Variants in ADGRB3 observed in about 807,000 individuals in gnomAD.
ADGRB3 encodes the protein brain-specific angiogenesis inhibitor 3.
ADGRB3 carries 37 observed loss-of-function variants against 193.4 expected under a neutral mutation model. The ratio of observed to expected loss-of-function variants is 0.19; its 90% CI spans 0.15 to 0.25. The LOEUF is 0.25. Ranked by LOEUF, ADGRB3 falls within the 10% of genes least tolerant of loss-of-function variation. ADGRB3 has a pLI of 1.00. For missense variants in ADGRB3, 1,637 were observed against 1,852.9 expected (o/e 0.88, Z 2.14); for synonymous variants, 690 against 644.2 (o/e 1.07, Z -1.08).
In ADGRB3 at chr6:68,886,959, CTGGG is replaced by C. The variant is rs1444042376; in HGVS notation, c.758-43596_758-43593del. ...CTAGTAACCTTCTGGTTTTGTAAGT[CTGGG>C]TGGTTTGCAATATTTTATATTATAA... On this transcript the variant is annotated intron_variant, in intron 3 of 31. Transcript: ENST00000370598. Among the ~76,000 whole-genome samples, 5 of 151,608 alleles carry C rather than the reference CTGGG, an allele frequency of 3.3e-5. No individual in the cohort carries two copies. The East Asian group carries it at 7.7e-4, about 23-fold the overall frequency.
chr6:69,369,020 G>T (rs977498597), intron 29 of ADGRB3, among the ~76,000 whole-genome samples: 3 of 152,084 alleles, frequency 2.0e-5, no homozygotes, highest in Admixed American at 2.0e-4. Flanking sequence ...TGGAATATAT[G>T]TACAGAGGGA....
chr6:68,641,845 A>G (rs1419564650), intron 3 of ADGRB3, among the ~76,000 whole-genome samples: 1 of 152,114 alleles, frequency 6.6e-6, no homozygotes, highest in African/African-American at 2.4e-5. Flanking sequence ...TCTATCTTCA[A>G]TATTTGATAT....
intron 13 of ADGRB3, among the ~76,000 whole-genome samples, chr6:69,038,809 C>T (rs1352848691): frequency 6.6e-6 from 1 of 152,164 alleles, no homozygotes; most frequent in Non-Finnish European, 1.5e-5. Context: ...TAATTATCAT[C>T]TTCAAAAATA....
Position 68,914,613 on chromosome 6 carries a change from G to T in ADGRB3, c.758-15946G>T, listed in dbSNP as rs560300269. Among the ~76,000 whole-genome samples the T allele has an allele frequency of 3.9e-5, 6 of 152,196 alleles. No individual in the cohort carries two copies. The South Asian group carries it at 8.3e-4, about 21-fold the overall frequency. ...CATGCCAAATTGTAAAGACCATCGAGGCTAGGAAGAAACTGCATGAACTAA... is the reference window on the plus strand; with the variant it reads ...CATGCCAAATTGTAAAGACCATCGATGCTAGGAAGAAACTGCATGAACTAA... On this transcript the variant is annotated intron_variant, in intron 3 of 31. Transcript: ENST00000370598.
intron 3 of ADGRB3, among the ~76,000 whole-genome samples, chr6:68,720,823 G>A (rs1331999335): frequency 2.0e-5 from 3 of 151,702 alleles, no homozygotes; most frequent in African/African-American, 7.3e-5. Flanking sequence ...CAGGGTGGAA[G>A]GAAGTTGTTT....
At chr6:68,975,927 G>C (rs1473150825) in intron 10 of ADGRB3, among the ~76,000 whole-genome samples, 1 of 152,050 alleles carries the variant, frequency 6.6e-6, no homozygotes, top group East Asian at 1.9e-4. Context: ...TGAATATTTT[G>C]AGCATAGTTA....
chr6:69,013,521 T>C (rs1769998099), intron 11 of ADGRB3, among the ~76,000 whole-genome samples: 1 of 152,102 alleles, frequency 6.6e-6, no homozygotes, highest in African/African-American at 2.4e-5. Flanking sequence ...ATATTTGCAA[T>C]TGGTAGTTGT....
intron 17 of ADGRB3, among the ~76,000 whole-genome samples, chr6:69,113,634 A>G (rs1310546386): frequency 2.0e-5 from 3 of 152,194 alleles, no homozygotes; most frequent in African/African-American, 7.2e-5. Context: ...AAGTTCAGAA[A>G]TTTATATCAT....
At chr6:69,249,613 A>C (rs1194063101) in intron 20 of ADGRB3, among the ~76,000 whole-genome samples, 1 of 152,158 alleles carries the variant, frequency 6.6e-6, no homozygotes, top group East Asian at 1.9e-4. Flanking sequence ...TTCCCAATCA[A>C]ATTCATGCAT....
At chr6:69,251,581 A>C (rs935360095) in intron 20 of ADGRB3, among the ~76,000 whole-genome samples, 1 of 152,206 alleles carries the variant, frequency 6.6e-6, no homozygotes, top group African/African-American at 2.4e-5. Flanking sequence ...AGATATTATA[A>C]GAATCAAGTA....
chr6:68,775,983 C>T (rs986942484), intron 3 of ADGRB3, among the ~76,000 whole-genome samples: 1 of 152,000 alleles, frequency 6.6e-6, no homozygotes, highest in Non-Finnish European at 1.5e-5. Flanking sequence ...TTTGGGGAGT[C>T]GATGTAGAAT....
intron 20 of ADGRB3, among the ~76,000 whole-genome samples, chr6:69,318,548 T>C (rs568543738): frequency 6.6e-6 from 1 of 151,494 alleles, no homozygotes; most frequent in Non-Finnish European, 1.5e-5. Flanking sequence ...CATTTCGATA[T>C]CAATGTCATG....
chr6:68,657,609 C>A (rs1016258759), intron 3 of ADGRB3, among the ~76,000 whole-genome samples: 14 of 151,312 alleles, frequency 9.3e-5, no homozygotes, highest in African/African-American at 3.4e-4. Context: ...GATTACTCAG[C>A]AAATTTAGTA....
At chr6:68,945,025 C>T (rs767421851) in intron 6 of ADGRB3, among the ~76,000 whole-genome samples, 13 of 152,108 alleles carry the variant, frequency 8.5e-5, no homozygotes, top group Non-Finnish European at 1.8e-4. Context: ...GTTTAAATAC[C>T]CCCAAGTTAA....
chr6:68,703,619 T>C (rs1041975897), intron 3 of ADGRB3, among the ~76,000 whole-genome samples: 4 of 152,000 alleles, frequency 2.6e-5, no homozygotes, highest in Admixed American at 2.0e-4. Context: ...TTCATTAAGA[T>C]TTTTTTTGTT....
At chr6:69,265,864 G>A (rs1228288591) in intron 20 of ADGRB3, among the ~76,000 whole-genome samples, 2 of 151,904 alleles carry the variant, frequency 1.3e-5, no homozygotes, top group Non-Finnish European at 2.9e-5. Flanking sequence ...CTCATCTGTA[G>A]AAGACAAATG....
intron 3 of ADGRB3, among the ~76,000 whole-genome samples, chr6:68,656,977 A>C (rs1768505016): frequency 6.6e-6 from 1 of 151,556 alleles, no homozygotes; most frequent in Admixed American, 6.6e-5. Flanking sequence ...CAGGTTTTTT[A>C]AGTAATCTAA....
chr6:68,972,210 T>A (rs555499020), intron 8 of ADGRB3, among the ~76,000 whole-genome samples: 2 of 152,348 alleles, frequency 1.3e-5, no homozygotes, highest in Admixed American at 1.3e-4. Flanking sequence ...AGTTGTAGAT[T>A]TTTTTGTGAT....
intron 8 of ADGRB3, among the ~76,000 whole-genome samples, chr6:68,969,532 T>G (rs1415034): frequency 0.22 from 33,905 of 152,016 alleles, 3,958 homozygotes; most frequent in Middle Eastern, 0.26. Flanking sequence ...TGGAGAAGCA[T>G]GGGAGGGTTT....
Sources: gnomAD v4.1 joint callset for allele counts (sites outside exome capture counted in the v4.1 genomes callset) on GRCh38, gnomAD v4.1.1 for gene constraint, MANE v1.5 for transcripts, NCBI Gene and HGNC (gene_info 2026-07-23, HGNC 2026-07-21) for gene names.